PHF12: variants seen among roughly 807,000 people sequenced by gnomAD.
PHF12 encodes PHD factor 1.
A neutral mutation model predicts 99.8 loss-of-function variants in PHF12; 6 were observed. The observed-to-expected ratio is 0.06, with a 90% CI of 0.03 to 0.12. The LOEUF (loss-of-function observed/expected upper bound fraction) is 0.12, where lower values mean the gene tolerates loss of function less well. Among genes scored for constraint, PHF12 ranks in the 10% least tolerant of loss-of-function variants. The probability of loss-of-function intolerance (pLI) is 1.00; values close to 1 mark genes in which losing one functional copy is unlikely to be tolerated. For missense variants in PHF12, 954 were observed against 1,300.1 expected (o/e 0.73, Z 4.09); for synonymous variants, 480 against 514.9 (o/e 0.93, Z 0.92).
At chr17:28,944,364 A>G (rs2040682521) in intron 2 of PHF12, 1 of 620,452 alleles carries the variant, frequency 1.6e-6, no homozygotes, top group South Asian at 7.2e-5. Flanking sequence ...ACTTTACACA[A>G]AAACTGTAAT....
chr17:28,906,116 G>A lies in PHF12; in HGVS notation c.*67C>T. Reference sequence around the variant, plus strand: ...TATAGAAAACACCCGGGCTTGGTTTGTGTACATTTTTGCATTGCAGGAGTC... The same window carrying A: ...TATAGAAAACACCCGGGCTTGGTTTATGTACATTTTTGCATTGCAGGAGTC... On this transcript the variant is annotated 3_prime_UTR_variant, in exon 15 of 15. Coordinates refer to ENST00000332830, the MANE Select transcript of PHF12 (RefSeq NM_001033561.2). The surrounding 1 kb of genome is among the most constrained non-coding windows in gnomAD (Gnocchi z 4.2). 1 of 1,476,352 alleles carries A rather than the reference G, an allele frequency of 6.8e-7. No homozygotes were observed. Among genetic ancestry groups the A allele is most frequent in the East Asian group, 2.3e-5 (1 of 43,288 alleles). 91.5% of individuals were successfully genotyped at this position (1,476,352 alleles called of 1,614,324 possible). A position where few individuals can be genotyped will look rare whatever the true frequency, so the allele number is the denominator to read the frequency against.
intron 5 of PHF12, among the ~76,000 whole-genome samples, chr17:28,919,749 CA>C (rs1258004989): frequency 1.3e-5 from 2 of 152,094 alleles, no homozygotes; most frequent in African/African-American, 2.4e-5. Flanking sequence ...TCAAACAAAA[CA>C]AAACAGAACA....
chr17:28,932,213 C>T (rs553289040), intron 2 of PHF12, among the ~76,000 whole-genome samples: 1 of 152,062 alleles, frequency 6.6e-6, no homozygotes, highest in Non-Finnish European at 1.5e-5. Flanking sequence ...CTCACTGAAG[C>T]CTTGACCCCC....
intron 2 of PHF12, among the ~76,000 whole-genome samples, chr17:28,934,576 T>G (rs893550207): frequency 2.0e-5 from 3 of 152,116 alleles, no homozygotes; most frequent in African/African-American, 7.2e-5. Flanking sequence ...ACAATAGTGT[T>G]TGAACCTTTC....
intron 6 of PHF12, among the ~76,000 whole-genome samples, chr17:28,917,840 C>G (rs1820416949): frequency 6.6e-6 from 1 of 152,178 alleles, no homozygotes; most frequent in Non-Finnish European, 1.5e-5. Context: ...GAGACCCACA[C>G]TCCCTTCCCA....
chr17:28,930,139 T>A (rs1455818771), intron 2 of PHF12, among the ~76,000 whole-genome samples: 1 of 152,148 alleles, frequency 6.6e-6, no homozygotes. Flanking sequence ...GACCATACTG[T>A]TTCTCATCTG....
In PHF12 at chr17:28,917,387, G is replaced by A. The variant is rs902452685; in HGVS notation, c.1032C>T (p.Thr344=). 9.3e-6 allele frequency: 15 copies of A among 1,614,050 alleles called. No individual in the cohort carries two copies. Among genetic ancestry groups the A allele is most frequent in the Non-Finnish European group, 1.2e-5 (14 of 1,179,972 alleles). The change falls in exon 7 of 15, where the codon ACC becomes ACT. Residue 344 remains threonine (T), a synonymous_variant. Transcript: ENST00000332830. ...CCACTTTGACGACATGCTGCGAAAC[G>A]GTGTCCTGGAAACGATCAAACACCT... ...RCQVFDRFQD[T]VSQHVVKVDF...
intron 7 of PHF12, among the ~76,000 whole-genome samples, chr17:28,914,841 A>C (rs564137094): frequency 2.0e-5 from 3 of 152,320 alleles, no homozygotes; most frequent in Admixed American, 2.0e-4. Context: ...CACACCATGT[A>C]AGAATGAAAG....
In PHF12 at chr17:28,930,822, G is replaced by A. The variant is rs574244340; in HGVS notation, c.249-3759C>T. ...GCAGTAGCTCATGCCTGTAATACCA[G>A]CACTTTGTGAGGCCGAGGTGGGTGG... On this transcript the variant is annotated intron_variant, in intron 2 of 14. Transcript: ENST00000332830. Among the ~76,000 whole-genome samples the A allele has an allele frequency of 7.9e-5, 12 of 152,288 alleles. No homozygotes were observed. The East Asian group carries it at 2.3e-3, about 29-fold the overall frequency.
intron 7 of PHF12, among the ~76,000 whole-genome samples, chr17:28,916,705 G>A (rs1017507773): frequency 1.3e-5 from 2 of 152,206 alleles, no homozygotes; most frequent in Non-Finnish European, 2.9e-5. Flanking sequence ...TTTCAAGGAG[G>A]GAAATTTTTC....
At chr17:28,947,571 G>A (rs745760472) in intron 2 of PHF12, among the ~76,000 whole-genome samples, 8 of 151,902 alleles carry the variant, frequency 5.3e-5, no homozygotes, top group Non-Finnish European at 1.0e-4. Flanking sequence ...AAGCGAAGAC[G>A]CCTGTCTCAG....
chr17:28,936,286 A>C (rs1366532995), intron 2 of PHF12, among the ~76,000 whole-genome samples: 2 of 152,180 alleles, frequency 1.3e-5, no homozygotes, highest in East Asian at 1.9e-4. Flanking sequence ...ATCCAGAACA[A>C]GCAGTTTCTC....
intron 2 of PHF12, chr17:28,944,499 T>C (rs1598163478): frequency 1.0e-6 from 1 of 983,792 alleles, no homozygotes; most frequent in East Asian, 1.1e-4. Context: ...AAATTGAACA[T>C]TACCGTATCT....
chr17:28,906,860 G>A lies in PHF12; in HGVS notation c.2676C>T (p.Val892=), dbSNP rs768526041. The A allele has an allele frequency of 1.2e-6, 2 of 1,600,388 alleles. No homozygotes were observed. The highest frequency in any genetic ancestry group is 1.7e-6 in the Non-Finnish European group (2 of 1,173,348). The change falls in exon 14 of 15, where the codon GTC becomes GTT. Residue 892 remains valine, a synonymous_variant. Coordinates refer to ENST00000332830, the MANE Select transcript of PHF12 (RefSeq NM_001033561.2). The surrounding 1 kb of genome is among the most constrained non-coding windows in gnomAD (Gnocchi z 4.2). ...PSSIVAKVQS[V]IRRRRHQKQD... is the part of the protein sequence containing the mutation. ...CAGATCTCTGCTCCAACTTACTGAT[G>A]ACACTCTGCACTTTGGCAACAATAC...
chr17:28,919,304 G>A, intron 5 of PHF12, 29 bp from the exon 6 acceptor site: 1 of 1,606,672 alleles, frequency 6.2e-7, no homozygotes, highest in Non-Finnish European at 8.5e-7. Flanking sequence ...GGCCATTTCT[G>A]TGGCAAGAAA....
chr17:28,907,502 C>A, intron 13 of PHF12, 88 bp downstream of exon 13: 1 of 1,339,178 alleles, frequency 7.5e-7, no homozygotes, highest in East Asian at 2.3e-5. Context: ...TCCCTCTTCC[C>A]TCCCCTCAGG....
At position 28,921,729 on chromosome 17, in the gene PHF12, A is replaced by T; in HGVS notation, c.795T>A (p.Gly265=). The T allele has an allele frequency of 6.2e-7, 1 of 1,614,122 alleles. No homozygotes were observed. Among genetic ancestry groups the T allele is most frequent in the Non-Finnish European group, 8.5e-7 (1 of 1,179,978 alleles). ...KKTQHELDHN[G]LVPLPVKVCF... is the part of the protein sequence containing the mutation. Reference sequence around the variant, plus strand: ...AGACTTTGACGGGTAAGGGAACGAGACCATTGTGATCTAATTCATGCTGTG... The same window carrying T: ...AGACTTTGACGGGTAAGGGAACGAGTCCATTGTGATCTAATTCATGCTGTG... Residue 265 remains glycine (G), a synonymous_variant, in exon 5 of 15, where the codon GGT becomes GGA. Transcript: ENST00000332830.
chr17:28,924,148 C>T lies in PHF12; in HGVS notation c.476G>A (p.Arg159Lys), dbSNP rs2040222861. 2 of 1,614,092 alleles carry T rather than the reference C, an allele frequency of 1.2e-6. No individual in the cohort carries two copies. Among genetic ancestry groups the T allele is most frequent in the Non-Finnish European group, 1.7e-6 (2 of 1,180,044 alleles). The part of the protein sequence containing the change: ...KAIAHARILE[R>K]RASRPGTPTS... ...GGGTGTGCCAGGCCTGCTGGCTCTC[C>T]TTTCCAGGATCCGGGCATGGGCAAT... is the stretch of plus-strand genomic sequence containing the variant. Residue 159 changes from arginine (R) to lysine (K), a missense_variant, in exon 4 of 15, where the codon AGG becomes AAG. Physicochemically the swap from Arg to Lys is conservative, Grantham distance 26. Coordinates refer to ENST00000332830, the MANE Select transcript of PHF12 (RefSeq NM_001033561.2).
chr17:28,950,825 G>A lies in PHF12; in HGVS notation c.66+70C>T. 6.3e-7 allele frequency: 1 copy of A among 1,597,700 alleles called. No individual in the cohort carries two copies. Among genetic ancestry groups the A allele is most frequent in the Non-Finnish European group, 8.5e-7 (1 of 1,170,282 alleles). ...TCTAGGCGCTTCGAGTTTAGGACTG[G>A]CTTTGTGGGGCGGAGGGCGGAGGTT... On this transcript the variant is annotated intron_variant, in intron 1 of 14. Transcript: ENST00000332830. The surrounding 1 kb of genome is among the most constrained non-coding windows in gnomAD (Gnocchi z 5.7).
Sources: allele counts gnomAD v4.1 joint callset (sites outside exome capture counted in the v4.1 genomes callset), GRCh38; gene constraint gnomAD v4.1.1; non-coding constraint Gnocchi (gnomAD v3.1); transcripts MANE v1.5; gene names NCBI Gene and HGNC (gene_info 2026-07-23, HGNC 2026-07-21).